Variants in OTOGL observed in about 807,000 individuals in gnomAD.
The protein encoded by OTOGL is otogelin-like protein.
OTOGL carries 285 observed loss-of-function variants against 318.5 expected under a neutral mutation model. That is an observed-to-expected ratio of 0.89 (90% CI 0.81 to 0.99). OTOGL has a LOEUF of 0.99. Among genes scored for constraint, OTOGL ranks in the 50% least tolerant of loss-of-function variants. OTOGL has a pLI of 0.00. For synonymous variants in OTOGL, 987 were observed against 936.5 expected, an observed-to-expected ratio of 1.05 and a Z score of -0.99; for missense variants, 2,899 against 2,845.6, an observed-to-expected ratio of 1.02 and a Z score of -0.43.
chr12:80,244,656 C>A (rs970385592), intron 11 of OTOGL, among the ~76,000 whole-genome samples: 3 of 149,894 alleles, frequency 2.0e-5, no homozygotes, highest in African/African-American at 7.6e-5. Context: ...TTTATAGCAG[C>A]ATGATATACC....
intron 1 of OTOGL, among the ~76,000 whole-genome samples, chr12:80,106,041 A>T (rs1198095089): frequency 6.6e-6 from 1 of 152,104 alleles, no homozygotes; most frequent in Admixed American, 6.6e-5. Flanking sequence ...AAAAGGAATA[A>T]TTCCAAGATC....
chr12:80,103,099 C>T (rs1869237474), intron 1 of OTOGL: 1 of 1,098,128 alleles, frequency 9.1e-7, no homozygotes, highest in Non-Finnish European at 1.4e-6. Flanking sequence ...ATGTAGATAA[C>T]ATATTTCTTC....
intron 1 of OTOGL, among the ~76,000 whole-genome samples, chr12:80,122,469 T>C (rs1487772959): frequency 3.3e-5 from 5 of 152,202 alleles, no homozygotes; most frequent in African/African-American, 7.2e-5. Flanking sequence ...CTTTGTATCA[T>C]TAATTATTAG....
intron 26 of OTOGL, among the ~76,000 whole-genome samples, chr12:80,286,343 T>C (rs1884618807): frequency 6.6e-6 from 1 of 152,194 alleles, no homozygotes; most frequent in African/African-American, 2.4e-5. Flanking sequence ...TCTTATTTTG[T>C]TGTGTTTCTG....
intron 1 of OTOGL, among the ~76,000 whole-genome samples, chr12:80,113,893 C>A (rs1472676350): frequency 6.6e-6 from 1 of 151,950 alleles, no homozygotes; most frequent in Non-Finnish European, 1.5e-5. Context: ...CTTTTTTCAT[C>A]TTTTTTGGTT....
In OTOGL at chr12:80,238,936, A is replaced by C; in HGVS notation, c.903A>C (p.Ser301=). The C allele has an allele frequency of 6.3e-6, 10 of 1,597,074 alleles. No individual in the cohort carries two copies. The highest frequency in any genetic ancestry group is 8.5e-6 in the Non-Finnish European group (10 of 1,178,770). Residue 301 remains serine (S), a synonymous_variant, in exon 10 of 59, where the codon TCA becomes TCC. Transcript: ENST00000547103. ...ACACCAAATGTGTACTCACACCCTC[A>C]GATTTTCCAAATCCGTGCTCCAGTG... ...PDDTKCVLTP[S]DFPNPCSSGM... is the part of the protein sequence containing the mutation.
Position 80,222,097 on chromosome 12 carries a change from A to G in OTOGL, c.341A>G (p.Asn114Ser). The part of the protein sequence containing the change: ...ALGTRCQIIP[N>S]MGNGRDGICK... ...TTATCCTGTTTCTTTTCAGTCCCAAACATGGGCAACGGCAGAGATGGGATT... is the reference window on the plus strand; with the variant it reads ...TTATCCTGTTTCTTTTCAGTCCCAAGCATGGGCAACGGCAGAGATGGGATT... Residue 114 changes from asparagine to serine, a missense_variant, in exon 7 of 59, where the codon AAC becomes AGC. Around this residue, in one of 3 missense-constraint regions of OTOGL, gnomAD observed 2,607 missense variants for 2,524.9 expected, o/e 1.03. Coordinates refer to ENST00000547103, the MANE Select transcript of OTOGL (RefSeq NM_001378609.3). 1 of 1,597,592 alleles carries G rather than the reference A, an allele frequency of 6.3e-7. No homozygotes were observed.
chr12:80,171,174 G>A lies in OTOGL; in HGVS notation c.-19-38239G>A, dbSNP rs1448120923. 2.0e-5 allele frequency among the ~76,000 whole-genome samples: 3 copies of A among 152,056 alleles called. No individual in the cohort carries two copies. The East Asian group carries it at 5.8e-4, about 29-fold the overall frequency. On this transcript the variant is annotated intron_variant, in intron 1 of 58. Transcript: ENST00000547103. ...CTGCAGCCTTGACCTCCTGGCTCAA[G>A]TGATCCTCACGCCTTAGTCTCTCAA...
In OTOGL at chr12:80,126,133, G is replaced by A. The variant is rs186676273; in HGVS notation, c.-20+26528G>A. Among the ~76,000 whole-genome samples, 565 of 152,106 alleles carry A rather than the reference G, an allele frequency of 3.7e-3. 2 individuals are homozygous for A. The highest frequency in any genetic ancestry group is 3.9e-3 in the Non-Finnish European group (268 of 67,982). ...TCTAGTTCTTTTAATTGTGATGTTA[G>A]GCTATCAGTTTTAGATCTTTCCTGC... On this transcript the variant is annotated intron_variant, in intron 1 of 58. Transcript: ENST00000547103.
chr12:80,166,205 C>CTT (rs1565885451), intron 1 of OTOGL, among the ~76,000 whole-genome samples: 1 of 150,786 alleles, frequency 6.6e-6, no homozygotes, highest in African/African-American at 2.4e-5. Context: ...CTCTCTCTCT[C>CTT]TCTCTCCCTC....
intron 1 of OTOGL, among the ~76,000 whole-genome samples, chr12:80,113,892 T>A (rs1869997704): frequency 6.6e-6 from 1 of 152,196 alleles, no homozygotes. Context: ...CCTTTTTTCA[T>A]CTTTTTTGGT....
chr12:80,310,494 A>G (rs1464722273), intron 29 of OTOGL, 117 bp from the exon 30 acceptor site: 17 of 649,504 alleles, frequency 2.6e-5, no homozygotes, highest in Non-Finnish European at 4.0e-5. Context: ...CGCAAATCCT[A>G]TCTAAAAGGA....
intron 6 of OTOGL, among the ~76,000 whole-genome samples, chr12:80,220,867 T>A (rs534126472): frequency 6.6e-6 from 1 of 152,220 alleles, no homozygotes; most frequent in Admixed American, 6.5e-5. Context: ...TACAAGATGC[T>A]ATGAAAAAAT....
At position 80,347,669 on chromosome 12, in the gene OTOGL, C is replaced by T. The variant is rs569792885; in HGVS notation, c.5266-4626C>T. On this transcript the variant is annotated intron_variant, in intron 44 of 58. Coordinates refer to ENST00000547103, the MANE Select transcript of OTOGL (RefSeq NM_001378609.3). Reference sequence around the variant, plus strand: ...GGGATTGCTGGGTCAAATGGTATTTCTGGTTCTAGATCCTTGAGGAATTGC... The same window carrying T: ...GGGATTGCTGGGTCAAATGGTATTTTTGGTTCTAGATCCTTGAGGAATTGC... Among the ~76,000 whole-genome samples the T allele has an allele frequency of 2.0e-5, 3 of 152,216 alleles. No homozygotes were observed. The East Asian group carries it at 5.8e-4, about 29-fold the overall frequency.
intron 1 of OTOGL, among the ~76,000 whole-genome samples, chr12:80,118,086 C>T (rs932507297): frequency 3.9e-5 from 6 of 152,068 alleles, no homozygotes; most frequent in African/African-American, 1.2e-4. Flanking sequence ...TTTACCTTCC[C>T]TTAAAGAGGT....
intron 48 of OTOGL, 84 bp from the exon 49 acceptor site, chr12:80,356,723 A>G: frequency 4.0e-6 from 3 of 743,008 alleles, no homozygotes; most frequent in Non-Finnish European, 6.2e-6. Flanking sequence ...TAAGTTATTT[A>G]TTACTAAATT....
intron 7 of OTOGL, among the ~76,000 whole-genome samples, chr12:80,223,251 G>T (rs1265772484): frequency 6.6e-6 from 1 of 151,750 alleles, no homozygotes; most frequent in African/African-American, 2.4e-5. Flanking sequence ...TCCATGGTGT[G>T]TGTGTGTGTA....
chr12:80,117,678 A>G (rs1306737022), intron 1 of OTOGL, among the ~76,000 whole-genome samples: 3 of 152,102 alleles, frequency 2.0e-5, no homozygotes, highest in Admixed American at 6.6e-5. Flanking sequence ...TCCAACCTTC[A>G]TTATGTACGA....
intron 43 of OTOGL, among the ~76,000 whole-genome samples, chr12:80,340,936 G>GTTTT (rs370802593): frequency 3.6e-5 from 5 of 139,092 alleles, no homozygotes; most frequent in Non-Finnish European, 6.1e-5. Context: ...GTCCACTTAG[G>GTTTT]TTTTTTTTTT....
Sources: allele counts gnomAD v4.1 joint callset (sites outside exome capture counted in the v4.1 genomes callset), GRCh38; gene constraint gnomAD v4.1.1; regional missense constraint gnomAD v4.1.1; transcripts MANE v1.5; gene names NCBI Gene and HGNC (gene_info 2026-07-23, HGNC 2026-07-21).